The following MTUS2 variants were observed in gnomAD, a reference collection of about 807,000 sequenced individuals.
MTUS2 encodes microtubule associated scaffold protein 2.
A neutral mutation model predicts 114.1 loss-of-function variants in MTUS2; 40 were observed. That is an observed-to-expected ratio of 0.35 (90% confidence interval 0.27 to 0.46). The LOEUF is 0.46. Among genes scored for constraint, MTUS2 ranks in the 20% least tolerant of loss-of-function variants. The pLI, the probability that MTUS2 is intolerant of heterozygous loss-of-function variation, is 1.00. For missense variants in MTUS2, 1,679 were observed against 1,705.4 expected (o/e 0.98, Z 0.27); for synonymous variants, 688 against 672.0 (o/e 1.02, Z -0.37).
chr13:28,924,869 A>T (rs560067256), intron 2 of MTUS2, among the ~76,000 whole-genome samples: 1 of 152,200 alleles, frequency 6.6e-6, no homozygotes, highest in South Asian at 2.1e-4. Context: ...AGAGAAGCAG[A>T]TGAGATCTCT....
chr13:29,285,657 T>TG (rs1381523716), intron 6 of MTUS2, among the ~76,000 whole-genome samples: 3 of 152,156 alleles, frequency 2.0e-5, no homozygotes, highest in African/African-American at 4.8e-5. Context: ...GGAAGCTCTA[T>TG]GGGACACACC....
intron 5 of MTUS2, among the ~76,000 whole-genome samples, chr13:29,106,234 A>G (rs1382640629): frequency 6.6e-6 from 1 of 152,228 alleles, no homozygotes; most frequent in Non-Finnish European, 1.5e-5. Flanking sequence ...CAAACTGAAC[A>G]CTTTTTCAGA....
intron 2 of MTUS2, among the ~76,000 whole-genome samples, chr13:28,915,579 T>C (rs1880700771): frequency 1.3e-5 from 2 of 151,912 alleles, no homozygotes; most frequent in African/African-American, 4.8e-5. Context: ...CAAGCCTGTT[T>C]GTTGTTTGTA....
intron 8 of MTUS2, among the ~76,000 whole-genome samples, chr13:29,414,389 G>C (rs1875495465): frequency 8.4e-6 from 1 of 119,196 alleles, no homozygotes; most frequent in Non-Finnish European, 1.7e-5. Flanking sequence ...GCACCAGCAT[G>C]GCACATGTAT....
At chr13:28,990,996 A>G (rs1272945714) in intron 2 of MTUS2, among the ~76,000 whole-genome samples, 1 of 152,198 alleles carries the variant, frequency 6.6e-6, no homozygotes, top group Non-Finnish European at 1.5e-5. Flanking sequence ...AGTCAGCGAG[A>G]CCAACAACCC....
chr13:29,025,306 G>A lies in MTUS2; in HGVS notation c.608G>A (p.Arg203Gln), dbSNP rs555563099. ...QHPQPLSLDSREARGQIPGGG... is the reference protein window; with the variant it reads ...QHPQPLSLDSQEARGQIPGGG... ...CCACAGCCTCTATCCCTCGACTCCC[G>A]GGAAGCACGGGGTCAGATACCTGGG... The change falls in exon 3 of 16, where the codon CGG becomes CAG. Residue 203 changes from arginine (R) to glutamine (Q), a missense_variant. Transcript: ENST00000612955. The A allele has an allele frequency of 2.2e-5, 36 of 1,613,898 alleles. No homozygotes were observed. In the East Asian group the frequency reaches 3.1e-4, roughly 14 times the overall value.
chr13:29,018,804 AAAAG>A lies in MTUS2; in HGVS notation c.-242-5649_-242-5646del, dbSNP rs1050726186. ...CGCCCCCTGCAAAAAAAAAAAAAGA[AAAAG>A]AAATGTATGTGTATTCACAAACCAT... On this transcript the variant is annotated intron_variant, in intron 2 of 15. Transcript: ENST00000612955. Among the ~76,000 whole-genome samples, 11 of 144,876 alleles carry A rather than the reference AAAAG, an allele frequency of 7.6e-5. No individual in the cohort carries two copies. The South Asian group carries it at 1.9e-3, about 25-fold the overall frequency.
chr13:29,373,650 C>T (rs2138316101), intron 8 of MTUS2, among the ~76,000 whole-genome samples: 1 of 152,314 alleles, frequency 6.6e-6, no homozygotes, highest in Non-Finnish European at 1.5e-5. Flanking sequence ...CCTAATAGTA[C>T]TTCAAAAGCT....
At chr13:29,055,061 C>T (rs779018538) in intron 4 of MTUS2, among the ~76,000 whole-genome samples, 4 of 151,916 alleles carry the variant, frequency 2.6e-5, no homozygotes, top group South Asian at 4.1e-4. Context: ...TGATTGATAG[C>T]GTTATTGCAG....
intron 2 of MTUS2, among the ~76,000 whole-genome samples, chr13:28,913,791 A>G (rs1361901312): frequency 1.3e-5 from 2 of 152,048 alleles, no homozygotes; most frequent in Non-Finnish European, 2.9e-5. Flanking sequence ...CCTCAACTTC[A>G]GAACTCATTA....
intron 2 of MTUS2, among the ~76,000 whole-genome samples, chr13:28,946,030 T>C (rs1280164342): frequency 2.0e-5 from 3 of 152,180 alleles, no homozygotes; most frequent in Admixed American, 6.5e-5. Context: ...GCTATAGATA[T>C]GTAAAAGGGA....
At chr13:29,371,220 C>CA (rs1566159895) in intron 8 of MTUS2, among the ~76,000 whole-genome samples, 1 of 36,628 alleles carries the variant, frequency 2.7e-5, no homozygotes, top group East Asian at 5.2e-4. Context: ...CATTAACCAC[C>CA]CCCCCCCCCT....
At chr13:29,075,696 T>A (rs1199680204) in intron 4 of MTUS2, among the ~76,000 whole-genome samples, 1 of 152,186 alleles carries the variant, frequency 6.6e-6, no homozygotes, top group Non-Finnish European at 1.5e-5. Context: ...TGATTACCAG[T>A]CATTTAAGAC....
chr13:28,950,664 A>G (rs1298162660), intron 2 of MTUS2, among the ~76,000 whole-genome samples: 1 of 152,236 alleles, frequency 6.6e-6, no homozygotes, highest in African/African-American at 2.4e-5. Flanking sequence ...AGCAGTCAGA[A>G]CAAACATATT....
chr13:29,194,395 C>T (rs1286609589), intron 5 of MTUS2, among the ~76,000 whole-genome samples: 3 of 150,006 alleles, frequency 2.0e-5, no homozygotes, highest in African/African-American at 7.3e-5. Context: ...AACAAATTTA[C>T]AAGAAAAAAA....
intron 5 of MTUS2, among the ~76,000 whole-genome samples, chr13:29,207,159 T>C (rs1172317692): frequency 6.6e-6 from 1 of 152,018 alleles, no homozygotes; most frequent in Non-Finnish European, 1.5e-5. Context: ...TAAGTGTTTT[T>C]TGTTTGTTTG....
At chr13:29,020,452 C>T (rs1027281095) in intron 2 of MTUS2, among the ~76,000 whole-genome samples, 9 of 152,150 alleles carry the variant, frequency 5.9e-5, no homozygotes, top group African/African-American at 2.2e-4. Flanking sequence ...GACAGAAATT[C>T]GTGTTTGTGT....
chr13:28,907,402 A>G (rs888995278), intron 2 of MTUS2, among the ~76,000 whole-genome samples: 5 of 151,606 alleles, frequency 3.3e-5, no homozygotes, highest in African/African-American at 1.2e-4. Flanking sequence ...ACACATAACA[A>G]TATTAACTTT....
At chr13:28,931,240 GAAAAAAT>G (rs1881599735) in intron 2 of MTUS2, among the ~76,000 whole-genome samples, 2 of 151,822 alleles carry the variant, frequency 1.3e-5, no homozygotes, top group Non-Finnish European at 2.9e-5. Context: ...ATATTTTTGG[GAAAAAAT>G]AAAAAATAGC....
Sources: allele counts gnomAD v4.1 joint callset (sites outside exome capture counted in the v4.1 genomes callset), GRCh38; gene constraint gnomAD v4.1.1; transcripts MANE v1.5; gene names NCBI Gene and HGNC (gene_info 2026-07-23, HGNC 2026-07-21).